The following GNPTG variants were observed in gnomAD, a reference collection of about 807,000 sequenced individuals.
GNPTG encodes N-acetylglucosamine-1-phosphate transferase subunit gamma, also known as N-acetylglucosamine-1-phosphotransferase subunit gamma.
Under a neutral mutation model 43.8 loss-of-function variants are expected in GNPTG, and 46 were observed. The ratio of observed to expected loss-of-function variants is 1.05; its 90% CI spans 0.83 to 1.34. The LOEUF (loss-of-function observed/expected upper bound fraction) is 1.34. Among genes scored for constraint, GNPTG ranks in the 40% most tolerant of loss-of-function variants. The pLI, the probability that GNPTG is intolerant of heterozygous loss-of-function variation, is 0.00. For synonymous variants in GNPTG, 250 were observed against 172.8 expected (o/e 1.45, Z -3.50); for missense variants, 549 against 411.3 (o/e 1.33, Z -2.90).
chr16:1,357,385 C>T (rs568424067), intron 3 of GNPTG, among the ~76,000 whole-genome samples: 79 of 152,216 alleles, frequency 5.2e-4, no homozygotes, highest in African/African-American at 1.5e-3. Context: ...CCTCCGGGGG[C>T]GGGGGCCAGG....
At chr16:1,362,369 A>G (rs1305177902) in intron 7 of GNPTG, 49 bp downstream of exon 7, 3 of 1,609,014 alleles carry the variant, frequency 1.9e-6, no homozygotes, top group Admixed American at 1.7e-5. Context: ...CCGCGCACGC[A>G]GCCCTGCTGG....
intron 8 of GNPTG, 36 bp downstream of exon 8, chr16:1,362,570 G>GGCTGGGA (rs1192065022): frequency 1.9e-6 from 3 of 1,614,184 alleles, no homozygotes; most frequent in East Asian, 4.5e-5. Context: ...TGGTGGGCCT[G>GGCTGGGA]GCTGGGAGCT....
At chr16:1,354,302 A>T (rs1420423662) in intron 3 of GNPTG, among the ~76,000 whole-genome samples, 2 of 152,026 alleles carry the variant, frequency 1.3e-5, no homozygotes, top group African/African-American at 4.8e-5. Flanking sequence ...AAAACAGAAT[A>T]TGCTGGTCGT....
intron 7 of GNPTG, 59 bp from the exon 8 acceptor site, chr16:1,362,393 C>T: frequency 6.2e-7 from 1 of 1,609,604 alleles, no homozygotes; most frequent in Non-Finnish European, 8.5e-7. Flanking sequence ...CCCTGTAGTG[C>T]TGGGGGCCAG....
chr16:1,362,378 G>A (rs2034913719), intron 7 of GNPTG, 58 bp downstream of exon 7: 51 of 1,608,854 alleles, frequency 3.2e-5, no homozygotes, highest in Non-Finnish European at 4.3e-5. Flanking sequence ...CAGCCCTGCT[G>A]GAGGCCCTGT....
rs1467708776 is a variant in GNPTG, at chr16:1,362,733, C to A, written c.732C>A (p.Asn244Lys). 6.2e-6 allele frequency: 10 copies of A among 1,614,114 alleles called. No individual in the cohort carries two copies. The highest frequency in any genetic ancestry group is 8.5e-6 in the Non-Finnish European group (10 of 1,180,020). The change falls in exon 9 of 11, where the codon AAC becomes AAA. Residue 244 changes from asparagine (N) to lysine (K), a missense_variant. Transcript: ENST00000204679. Reference sequence around the variant, plus strand: ...GCTTGGGGTTTGAGACCCTGGAAAACTGCAGGAAGGTACCGTATTGGGGGG... The same window carrying A: ...GCTTGGGGTTTGAGACCCTGGAAAAATGCAGGAAGGTACCGTATTGGGGGG... ...PDSLGFETLENCRKAHKELSK... is the reference protein window; with the variant it reads ...PDSLGFETLEKCRKAHKELSK...
intron 3 of GNPTG, among the ~76,000 whole-genome samples, chr16:1,355,351 C>T (rs2034758465): frequency 6.6e-6 from 1 of 152,160 alleles, no homozygotes; most frequent in African/African-American, 2.4e-5. Flanking sequence ...ATGAGCTGAG[C>T]AGAAAGATAA....
rs1596615635 is a variant in GNPTG at position 1,362,700 on chromosome 16, T to G, written c.699T>G (p.Gly233=). 1.2e-6 allele frequency: 2 copies of G among 1,613,450 alleles called. No homozygotes were observed. The highest frequency in any genetic ancestry group is 1.7e-6 in the Non-Finnish European group (2 of 1,179,896). The change falls in exon 9 of 11, where the codon GGT becomes GGG. Residue 233 remains glycine (G), a synonymous_variant. Transcript: ENST00000204679. ...ATGAACCCACCCAGCTGGAGGGAGGTCCTGACAGCTTGGGGTTTGAGACCC... is the reference window on the plus strand; with the variant it reads ...ATGAACCCACCCAGCTGGAGGGAGGGCCTGACAGCTTGGGGTTTGAGACCC... ...EENEPTQLEG[G]PDSLGFETLE... is the part of the protein sequence containing the mutation.
At chr16:1,359,674 G>C (rs2034836853) in intron 3 of GNPTG, among the ~76,000 whole-genome samples, 1 of 152,172 alleles carries the variant, frequency 6.6e-6, no homozygotes. Flanking sequence ...TTTAAGATTT[G>C]TTCGATGATT....
chr16:1,358,771 C>G (rs896286788), intron 3 of GNPTG: 1 of 152,124 alleles, frequency 6.6e-6, no homozygotes, highest in Non-Finnish European at 1.5e-5. Context: ...AACAGCCATC[C>G]TAGTGGGTGT....
rs201263537 is a variant in GNPTG, at chr16:1,362,747, C to T, written c.741+5C>T. 3,104 of 1,614,014 alleles carry T rather than the reference C, an allele frequency of 1.9e-3. 5 individuals are homozygous for T. Among genetic ancestry groups the T allele is most frequent in the Admixed American group, 2.5e-3 (150 of 60,024 alleles). The stretch of plus-strand genomic sequence containing the variant: ...ACCCTGGAAAACTGCAGGAAGGTAC[C>T]GTATTGGGGGGAGGTGGTGGCACGC... On this transcript the variant is annotated splice_donor_5th_base_variant and intron_variant, in intron 9 of 10. Transcript: ENST00000204679.
At chr16:1,358,463 G>A (rs2034817233) in intron 3 of GNPTG, 1 of 152,122 alleles carries the variant, frequency 6.6e-6, no homozygotes, top group African/African-American at 2.4e-5. Context: ...TTATATGGCT[G>A]AGGACTGTTC....
chr16:1,361,502 G>A, intron 3 of GNPTG: 1 of 478,956 alleles, frequency 2.1e-6, no homozygotes. Context: ...AAATTAGCCG[G>A]GCATGGTGGC....
At chr16:1,353,307 T>C (rs930420451) in intron 3 of GNPTG, among the ~76,000 whole-genome samples, 1 of 152,178 alleles carries the variant, frequency 6.6e-6, no homozygotes, top group Non-Finnish European at 1.5e-5. Context: ...TACCTTTATG[T>C]GTTAGGGTCT....
At position 1,353,318 on chromosome 16, in the gene GNPTG, G is replaced by C. The variant is rs563455483; in HGVS notation, c.178+1012G>C. On this transcript the variant is annotated intron_variant, in intron 3 of 10. Coordinates refer to ENST00000204679, the MANE Select transcript of GNPTG (RefSeq NM_032520.5). ...CGAATACCTTTATGTGTTAGGGTCT[G>C]TGCTGGGGTTGCAGAAACGAACACA... is the stretch of plus-strand genomic sequence containing the variant. 3.9e-5 allele frequency among the ~76,000 whole-genome samples: 6 copies of C among 152,330 alleles called. No individual in the cohort carries two copies. In the South Asian group the frequency reaches 6.2e-4, roughly 16 times the overall value.
At chr16:1,354,094 C>T (rs1596605137) in intron 3 of GNPTG, among the ~76,000 whole-genome samples, 1 of 152,118 alleles carries the variant, frequency 6.6e-6, no homozygotes, top group East Asian at 1.9e-4. Flanking sequence ...GGCTCACTTC[C>T]CTGCGGCTCA....
At chr16:1,352,763 A>T (rs1346558727) in intron 3 of GNPTG, among the ~76,000 whole-genome samples, 1 of 150,756 alleles carries the variant, frequency 6.6e-6, no homozygotes, top group East Asian at 1.9e-4. Flanking sequence ...ATGGCACTGC[A>T]CTCCCCGATT....
intron 3 of GNPTG, among the ~76,000 whole-genome samples, chr16:1,360,398 C>T (rs369476280): frequency 7.8e-4 from 119 of 152,204 alleles, no homozygotes; most frequent in African/African-American, 2.7e-3. Flanking sequence ...CCAAGGTGGA[C>T]GGATCACTTC....
intron 3 of GNPTG, among the ~76,000 whole-genome samples, chr16:1,355,189 G>A (rs1172610265): frequency 6.6e-6 from 1 of 151,978 alleles, no homozygotes. Flanking sequence ...ATCGTCTCCC[G>A]CGTCTGTGGG....
Sources: gnomAD v4.1 joint callset for allele counts (sites outside exome capture counted in the v4.1 genomes callset) on GRCh38, gnomAD v4.1.1 for gene constraint, MANE v1.5 for transcripts, NCBI Gene and HGNC (gene_info 2026-07-23, HGNC 2026-07-21) for gene names.